The following CCDC63 variants were observed in gnomAD, a reference collection of about 807,000 sequenced individuals.
The protein encoded by CCDC63 is coiled-coil domain-containing protein 63.
In CCDC63, 54 loss-of-function variants were observed where a neutral mutation model predicts 63.6. The observed-to-expected ratio is 0.85, with a 90% CI of 0.68 to 1.07. The LOEUF is 1.07. Ranked by LOEUF, CCDC63 falls within the 50% of genes least tolerant of loss-of-function variation. CCDC63 has a pLI of 0.00. For synonymous variants in CCDC63, 253 were observed against 266.1 expected (o/e 0.95, Z 0.48); for missense variants, 637 against 689.6 (o/e 0.92, Z 0.86).
intron 9 of CCDC63, among the ~76,000 whole-genome samples, chr12:110,894,386 T>C (rs1237734745): frequency 3.9e-5 from 6 of 152,214 alleles, no homozygotes; most frequent in African/African-American, 1.4e-4. Flanking sequence ...GTTTTGTTAC[T>C]GAGGTATAAG....
chr12:110,887,631 A>C (rs2071301288), intron 8 of CCDC63, among the ~76,000 whole-genome samples: 1 of 151,978 alleles, frequency 6.6e-6, no homozygotes, highest in Non-Finnish European at 1.5e-5. Flanking sequence ...AGGTTAAAAA[A>C]ATTTTTTTTT....
intron 10 of CCDC63, among the ~76,000 whole-genome samples, chr12:110,903,903 T>G (rs1367934716): frequency 1.3e-5 from 2 of 152,204 alleles, no homozygotes. Flanking sequence ...CAATTTTTAG[T>G]GTAACCTGGT....
chr12:110,871,417 A>G (rs910153182), intron 4 of CCDC63, among the ~76,000 whole-genome samples: 18 of 152,188 alleles, frequency 1.2e-4, no homozygotes, highest in African/African-American at 4.3e-4. Context: ...CTGGGATTAC[A>G]GGCGTGAGCC....
chr12:110,878,270 A>G (rs200187014), intron 5 of CCDC63, among the ~76,000 whole-genome samples: 2 of 152,218 alleles, frequency 1.3e-5, no homozygotes, highest in Non-Finnish European at 2.9e-5. Flanking sequence ...ACACATACAT[A>G]TATACACACA....
chr12:110,883,980 C>A, intron 7 of CCDC63, 50 bp from the exon 8 acceptor site: 3 of 1,420,660 alleles, frequency 2.1e-6, no homozygotes, highest in Non-Finnish European at 3.0e-6. Flanking sequence ...TGGCACGGAT[C>A]TGAGGAGCTT....
chr12:110,856,469 C>T (rs1270863947), intron 3 of CCDC63, among the ~76,000 whole-genome samples: 1 of 152,146 alleles, frequency 6.6e-6, no homozygotes, highest in Non-Finnish European at 1.5e-5. Flanking sequence ...CCGCCCGCCT[C>T]CTTCCAGGAG....
intron 7 of CCDC63, among the ~76,000 whole-genome samples, chr12:110,883,573 C>T (rs2071236477): frequency 6.6e-6 from 1 of 152,156 alleles, no homozygotes; most frequent in Non-Finnish European, 1.5e-5. Flanking sequence ...AAACATCTAG[C>T]CTCATCCCTA....
intron 11 of CCDC63, 42 bp downstream of exon 11, chr12:110,904,833 C>T (rs756489770): frequency 1.3e-6 from 2 of 1,514,454 alleles, no homozygotes; most frequent in Admixed American, 2.0e-5. Flanking sequence ...TGCTAGGGAA[C>T]CTGTGCCTTC....
intron 1 of CCDC63, among the ~76,000 whole-genome samples, chr12:110,850,024 G>A (rs2070686312): frequency 6.6e-6 from 1 of 152,206 alleles, no homozygotes; most frequent in Non-Finnish European, 1.5e-5. Flanking sequence ...ATTCTCTGAG[G>A]CATGCTAGCT....
chr12:110,867,881 C>G (rs1371121990), intron 4 of CCDC63, among the ~76,000 whole-genome samples: 2 of 151,368 alleles, frequency 1.3e-5, no homozygotes, highest in African/African-American at 4.8e-5. Flanking sequence ...TGGAGACGCT[C>G]CTCACTTCCC....
chr12:110,882,411 G>T (rs1441861427), intron 7 of CCDC63, among the ~76,000 whole-genome samples: 2 of 152,122 alleles, frequency 1.3e-5, no homozygotes, highest in Non-Finnish European at 2.9e-5. Context: ...CTACTCTGGA[G>T]ACTGAGATGG....
intron 10 of CCDC63, among the ~76,000 whole-genome samples, chr12:110,901,155 G>A (rs756876909): frequency 3.9e-5 from 6 of 152,212 alleles, no homozygotes; most frequent in Middle Eastern, 3.4e-3. Context: ...TTTAAATTTT[G>A]TGGGTACATG....
At position 110,907,261 on chromosome 12, in the gene CCDC63, C is replaced by T; in HGVS notation, c.1547-70C>T. 6.5e-7 allele frequency: 1 copy of T among 1,535,824 alleles called. No homozygotes were observed. The highest frequency in any genetic ancestry group is 8.8e-7 in the Non-Finnish European group (1 of 1,134,404). ...CACTCCCCAGTGCTATGGAGGGACGCCAAACCAGGCTTAGCCCCAGCCCTG... is the reference window on the plus strand; with the variant it reads ...CACTCCCCAGTGCTATGGAGGGACGTCAAACCAGGCTTAGCCCCAGCCCTG... On this transcript the variant is annotated intron_variant, in intron 11 of 11. Transcript: ENST00000308208. This position sits in a 1 kb window ranked among gnomAD's most constrained non-coding sequence, Gnocchi z 4.4.
At chr12:110,884,852 A>ATTTTT (rs34391026) in intron 8 of CCDC63, among the ~76,000 whole-genome samples, 4 of 130,708 alleles carry the variant, frequency 3.1e-5, no homozygotes, top group Non-Finnish European at 3.2e-5. Flanking sequence ...ACGCCCTGCT[A>ATTTTT]TTTTTTTTTT....
chr12:110,852,606 G>A (rs2070718007), intron 1 of CCDC63, among the ~76,000 whole-genome samples: 1 of 152,122 alleles, frequency 6.6e-6, no homozygotes, highest in South Asian at 2.1e-4. Flanking sequence ...GGGAGCAGGA[G>A]GGTAACTGAC....
At chr12:110,845,120 G>A (rs1464290672), upstream of CCDC63, among the ~76,000 whole-genome samples, 1 of 152,182 alleles carries the variant, frequency 6.6e-6, no homozygotes, top group Admixed American at 6.5e-5. Flanking sequence ...AGCCTGATAC[G>A]TCTCTGCATG....
intron 4 of CCDC63, among the ~76,000 whole-genome samples, chr12:110,869,922 G>A (rs987390832): frequency 1.2e-4 from 19 of 152,016 alleles, no homozygotes; most frequent in Non-Finnish European, 2.5e-4. Flanking sequence ...TTTTTATTTT[G>A]GCATACTTTA....
chr12:110,878,391 T>C (rs1490987633), intron 5 of CCDC63, among the ~76,000 whole-genome samples: 1 of 152,160 alleles, frequency 6.6e-6, no homozygotes, highest in Non-Finnish European at 1.5e-5. Context: ...CTCGGCTCAC[T>C]GAAACCTCTG....
chr12:110,897,505 G>A (rs2071428733), intron 9 of CCDC63, among the ~76,000 whole-genome samples: 1 of 152,054 alleles, frequency 6.6e-6, no homozygotes, highest in Admixed American at 6.6e-5. Context: ...GGCTGAGGCA[G>A]GAGGATCACC....
Sources: gnomAD v4.1 joint callset for allele counts (sites outside exome capture counted in the v4.1 genomes callset) on GRCh38, gnomAD v4.1.1 for gene constraint, Gnocchi (gnomAD v3.1) non-coding constraint, MANE v1.5 for transcripts, NCBI Gene and HGNC (gene_info 2026-07-23, HGNC 2026-07-21) for gene names.